The following SLC38A6 variants were observed in gnomAD, a reference collection of about 807,000 sequenced individuals.
SLC38A6 encodes the protein N system amino acid transporter NAT-1.
A neutral mutation model predicts 65.0 loss-of-function variants in SLC38A6; 73 were observed. That is an observed-to-expected ratio of 1.12 (90% confidence interval 0.93 to 1.37). The LOEUF is 1.37. SLC38A6 is among the 40% of genes most tolerant of loss of function. The probability of loss-of-function intolerance (pLI) is 0.00; values close to 1 mark genes in which losing one functional copy is unlikely to be tolerated. For synonymous variants in SLC38A6, 183 were observed against 178.8 expected (o/e 1.02, Z -0.19); for missense variants, 561 against 531.1 (o/e 1.06, Z -0.55).
At chr14:61,066,820 T>A (rs1038310604) in intron 15 of SLC38A6, among the ~76,000 whole-genome samples, 2 of 152,182 alleles carry the variant, frequency 1.3e-5, no homozygotes, top group East Asian at 1.9e-4. Context: ...TTGAAACCCA[T>A]GTTGTTCAAG....
rs2037325417 is a variant in SLC38A6 at position 60,984,730 on chromosome 14, C to T, written c.237C>T (p.Ser79=). ...GACCAGGTGTTCTTTTATGTTTTAG[C>T]TTCTTGCTGCTGACAGTTGCTCTCC... ...VLANTGVFGF[S]FLLLTVALLA... The change falls in exon 3 of 16, where the codon AGC becomes AGT. Residue 79 remains serine (S), a splice_region_variant and synonymous_variant. Transcript: ENST00000267488. The T allele has an allele frequency of 1.2e-6, 2 of 1,613,874 alleles. No homozygotes were observed. Among genetic ancestry groups the T allele is most frequent in the African/African-American group, 2.7e-5 (2 of 75,022 alleles).
chr14:61,036,045 G>C (rs1445488210), intron 6 of SLC38A6, among the ~76,000 whole-genome samples: 1 of 151,434 alleles, frequency 6.6e-6, no homozygotes, highest in South Asian at 2.1e-4. Context: ...GGTGATTAAT[G>C]CCCTTTCCTG....
At chr14:61,050,339 G>T (rs1173690836) in intron 12 of SLC38A6, among the ~76,000 whole-genome samples, 173 bp from the exon 13 acceptor site, 2 of 152,138 alleles carry the variant, frequency 1.3e-5, no homozygotes, top group Admixed American at 6.6e-5. Flanking sequence ...AGGGTGTTAG[G>T]TTTCAAGAAG....
chr14:61,010,678 A>G (rs1218340461), intron 3 of SLC38A6, among the ~76,000 whole-genome samples: 1 of 152,146 alleles, frequency 6.6e-6, no homozygotes, highest in African/African-American at 2.4e-5. Flanking sequence ...GGTTTGTCAA[A>G]GTTCAGATAG....
At chr14:61,081,989 A>G (rs1016046096) in intron 16 of SLC38A6, among the ~76,000 whole-genome samples, 4 of 152,154 alleles carry the variant, frequency 2.6e-5, no homozygotes, top group African/African-American at 9.7e-5. Context: ...AAGATGCCAC[A>G]TGGGAGTGCA....
chr14:61,055,026 G>T (rs1176885347), downstream of SLC38A6, among the ~76,000 whole-genome samples: 3 of 149,942 alleles, frequency 2.0e-5, no homozygotes, highest in African/African-American at 7.4e-5. Context: ...TTATTTTGAG[G>T]TATGTTCCTA....
At position 61,045,442 on chromosome 14, in the gene SLC38A6, G is replaced by C. The variant is rs1386894363; in HGVS notation, c.824+17G>C. 3 of 1,562,220 alleles carry C rather than the reference G, an allele frequency of 1.9e-6. No homozygotes were observed. Among genetic ancestry groups the C allele is most frequent in the Non-Finnish European group, 2.6e-6 (3 of 1,137,120 alleles). On this transcript the variant is annotated intron_variant, in intron 11 of 15. Transcript: ENST00000267488. ...ACTTCAAAGGTACTGTAGAATCCTG[G>C]AATATTTTAAATATATTGTGTATCT...
At chr14:61,014,242 T>C (rs1023178892) in intron 3 of SLC38A6, among the ~76,000 whole-genome samples, 1 of 152,248 alleles carries the variant, frequency 6.6e-6, no homozygotes, top group Non-Finnish European at 1.5e-5. Context: ...CATCAGGTCC[T>C]TTAGGGACTT....
chr14:61,016,072 C>A, intron 4 of SLC38A6, 116 bp downstream of exon 4: 1 of 647,792 alleles, frequency 1.5e-6, no homozygotes. Context: ...TAAAAGGAAA[C>A]TAAAGTGAGA....
intron 4 of SLC38A6, 108 bp from the exon 5 acceptor site, chr14:61,019,433 C>T (rs1223392549): frequency 1.9e-6 from 2 of 1,031,772 alleles, no homozygotes; most frequent in South Asian, 3.4e-5. Flanking sequence ...TTTCTCCTCA[C>T]AACTTCTGCA....
intron 6 of SLC38A6, among the ~76,000 whole-genome samples, chr14:61,033,255 G>A (rs1594670516): frequency 1.3e-5 from 2 of 151,956 alleles, no homozygotes; most frequent in Non-Finnish European, 1.5e-5. Context: ...AAATTAAAGC[G>A]ACTTATAAAT....
At chr14:60,987,833 C>A (rs947441346) in intron 3 of SLC38A6, among the ~76,000 whole-genome samples, 9 of 152,234 alleles carry the variant, frequency 5.9e-5, no homozygotes, top group African/African-American at 2.2e-4. Flanking sequence ...AACCACAACT[C>A]CCTAGTCGTT....
chr14:61,046,662 T>C (rs2042168410), intron 12 of SLC38A6, among the ~76,000 whole-genome samples: 2 of 152,210 alleles, frequency 1.3e-5, no homozygotes, highest in South Asian at 4.1e-4. Context: ...ATGTGCATTC[T>C]ATGATGCACC....
At chr14:61,081,923 A>G (rs1206319337) in intron 16 of SLC38A6, among the ~76,000 whole-genome samples, 1 of 152,132 alleles carries the variant, frequency 6.6e-6, no homozygotes, top group Non-Finnish European at 1.5e-5. Flanking sequence ...GTGTAGTACT[A>G]CATTTTCTGT....
intron 15 of SLC38A6, among the ~76,000 whole-genome samples, chr14:61,072,154 A>G (rs2043250025): frequency 6.6e-6 from 1 of 152,206 alleles, no homozygotes; most frequent in Non-Finnish European, 1.5e-5. Context: ...GGGGAGGAAT[A>G]CTGTTCCTCA....
chr14:61,045,344 A>C lies in SLC38A6; in HGVS notation c.745-2A>C, dbSNP rs756670398. Reference sequence around the variant, plus strand: ...ATTTTGTCTCTTTAAAATTTTTTTCAGAGTGCTTATGCCTTACCAACCATG... The same window carrying C: ...ATTTTGTCTCTTTAAAATTTTTTTCCGAGTGCTTATGCCTTACCAACCATG... On this transcript the variant is annotated splice_acceptor_variant, in intron 10 of 15. Coordinates refer to ENST00000267488, the MANE Select transcript of SLC38A6 (RefSeq NM_153811.3). LOFTEE classifies it high-confidence loss of function. The C allele has an allele frequency of 6.2e-7, 1 of 1,609,318 alleles. No individual in the cohort carries two copies. The highest frequency in any genetic ancestry group is 8.5e-7 in the Non-Finnish European group (1 of 1,177,892).
At chr14:60,985,418 G>C (rs1255562491) in intron 3 of SLC38A6, among the ~76,000 whole-genome samples, 1 of 152,168 alleles carries the variant, frequency 6.6e-6, no homozygotes, top group Non-Finnish European at 1.5e-5. Flanking sequence ...TTAGGATCCA[G>C]TAAATAAAAG....
chr14:61,051,803 CAAT>C lies in SLC38A6; in HGVS notation c.1068_1070del (p.Met358del), dbSNP rs752011025. On this transcript the variant is annotated inframe_deletion, in exon 14 of 16. Coordinates refer to ENST00000267488, the MANE Select transcript of SLC38A6 (RefSeq NM_153811.3). ...GTAATACAGGCCAGAAAAGCTGTAA[CAAT>C]GATGTTTTTCTCCAATTTTCCATTC... The C allele has an allele frequency of 1.4e-5, 23 of 1,611,950 alleles. No individual in the cohort carries two copies. The East Asian group carries it at 4.7e-4, about 33-fold the overall frequency.
chr14:61,051,704 T>C (rs1429372192), intron 13 of SLC38A6, 83 bp from the exon 14 acceptor site: 2 of 1,495,814 alleles, frequency 1.3e-6, no homozygotes, highest in East Asian at 4.5e-5. Context: ...AAAAATATCA[T>C]GGTTGTTGTA....
Sources: allele counts gnomAD v4.1 joint callset (sites outside exome capture counted in the v4.1 genomes callset), GRCh38; gene constraint gnomAD v4.1.1; transcripts MANE v1.5; gene names NCBI Gene and HGNC (gene_info 2026-07-23, HGNC 2026-07-21).